The following CDH18 variants were observed in gnomAD, a reference collection of about 807,000 sequenced individuals.
CDH18 encodes the protein cadherin-18.
Under a neutral mutation model 67.9 loss-of-function variants are expected in CDH18, and 31 were observed. That is an observed-to-expected ratio of 0.46 (90% CI 0.34 to 0.62). The LOEUF (loss-of-function observed/expected upper bound fraction) is 0.62. Among genes scored for constraint, CDH18 ranks in the 20% least tolerant of loss-of-function variants. CDH18 has a pLI of 0.01. For missense variants in CDH18, 890 were observed against 975.5 expected, an observed-to-expected ratio of 0.91 and a Z score of 1.17; for synonymous variants, 362 against 347.2, an observed-to-expected ratio of 1.04 and a Z score of -0.48.
intron 1 of CDH18, among the ~76,000 whole-genome samples, chr5:20,471,442 C>T (rs947581345): frequency 5.3e-5 from 8 of 152,114 alleles, no homozygotes; most frequent in Non-Finnish European, 1.2e-4. Context: ...GATTAGGTTA[C>T]TTTTCTGCTC....
chr5:20,040,926 T>C (rs757725286), intron 2 of CDH18, among the ~76,000 whole-genome samples: 2 of 152,190 alleles, frequency 1.3e-5, no homozygotes, highest in Non-Finnish European at 2.9e-5. Flanking sequence ...ACACAGATTG[T>C]TTAAGTATTT....
At chr5:20,012,757 C>A (rs1737564644) in intron 2 of CDH18, among the ~76,000 whole-genome samples, 1 of 151,984 alleles carries the variant, frequency 6.6e-6, no homozygotes, top group Non-Finnish European at 1.5e-5. Flanking sequence ...TTTGTAGGGA[C>A]ATGCATGGAG....
At chr5:19,728,059 A>G (rs919654630) in intron 4 of CDH18, among the ~76,000 whole-genome samples, 3 of 152,172 alleles carry the variant, frequency 2.0e-5, no homozygotes, top group Non-Finnish European at 4.4e-5. Flanking sequence ...ATTACCCTCT[A>G]CGTGCTAGAC....
At chr5:19,485,686 A>G (rs1740283051) in intron 11 of CDH18, among the ~76,000 whole-genome samples, 1 of 152,222 alleles carries the variant, frequency 6.6e-6, no homozygotes. Context: ...CAGATCTATC[A>G]GCTGTAGGAT....
intron 1 of CDH18, among the ~76,000 whole-genome samples, chr5:20,337,923 G>C (rs1739923682): frequency 6.6e-6 from 1 of 152,210 alleles, no homozygotes. Flanking sequence ...TCACAATCAT[G>C]GTTGAAGGCA....
At chr5:20,152,664 T>C (rs966173780) in intron 2 of CDH18, among the ~76,000 whole-genome samples, 3 of 152,052 alleles carry the variant, frequency 2.0e-5, no homozygotes, top group Non-Finnish European at 4.4e-5. Context: ...TCTTATTAAA[T>C]TAAATTAAAT....
At chr5:20,139,708 C>T (rs191515918) in intron 2 of CDH18, among the ~76,000 whole-genome samples, 10 of 152,136 alleles carry the variant, frequency 6.6e-5, no homozygotes, top group Non-Finnish European at 1.2e-4. Context: ...CCCACAGACA[C>T]ATGAAAAAAT....
intron 1 of CDH18, among the ~76,000 whole-genome samples, chr5:20,318,423 C>T (rs970961282): frequency 1.6e-4 from 25 of 152,190 alleles, no homozygotes; most frequent in Non-Finnish European, 3.1e-4. Flanking sequence ...AACAAAATCT[C>T]ATGTAGAACT....
At chr5:19,690,751 G>C (rs899325511) in intron 5 of CDH18, among the ~76,000 whole-genome samples, 2 of 149,906 alleles carry the variant, frequency 1.3e-5, no homozygotes, top group Non-Finnish European at 3.0e-5. Flanking sequence ...AACCAGAACA[G>C]GCCAAGAACA....
chr5:19,938,998 A>AAGTT (rs1238633006), intron 2 of CDH18, among the ~76,000 whole-genome samples: 4 of 151,142 alleles, frequency 2.6e-5, no homozygotes, highest in Non-Finnish European at 5.9e-5. Context: ...TTAAACTTCT[A>AAGTT]AGAAGTTCAT....
chr5:19,853,665 A>G (rs966184494), intron 2 of CDH18, among the ~76,000 whole-genome samples: 4 of 152,146 alleles, frequency 2.6e-5, no homozygotes, highest in Non-Finnish European at 5.9e-5. Context: ...CTCAGGTCTG[A>G]AACCTGTGTG....
chr5:20,002,303 C>A (rs971451828), intron 2 of CDH18, among the ~76,000 whole-genome samples: 2 of 152,110 alleles, frequency 1.3e-5, no homozygotes, highest in African/African-American at 2.4e-5. Context: ...TTATGCCATT[C>A]GTTTATTTTT....
At chr5:20,222,108 A>C (rs1741274071) in intron 2 of CDH18, among the ~76,000 whole-genome samples, 1 of 152,172 alleles carries the variant, frequency 6.6e-6, no homozygotes, top group South Asian at 2.1e-4. Flanking sequence ...TGCACTCCTC[A>C]TGATAGCAGA....
At chr5:20,299,540 C>A (rs1390256709) in intron 1 of CDH18, among the ~76,000 whole-genome samples, 1 of 151,842 alleles carries the variant, frequency 6.6e-6, no homozygotes, top group Non-Finnish European at 1.5e-5. Context: ...GCAGGCAGAT[C>A]ACAAGGTCAG....
At chr5:19,994,732 TATATATAGAG>T (rs1422996680) in intron 2 of CDH18, among the ~76,000 whole-genome samples, 23 of 12,508 alleles carry the variant, frequency 1.8e-3, no homozygotes, top group East Asian at 6.5e-3. Context: ...TATATATATA[TATATATAGAG>T]AGAGAGAGAG....
chr5:20,141,710 G>A (rs1488335280), intron 2 of CDH18, among the ~76,000 whole-genome samples: 1 of 152,098 alleles, frequency 6.6e-6, no homozygotes, highest in Admixed American at 6.6e-5. Flanking sequence ...CAAATTACAT[G>A]GGGACATGAC....
At chr5:19,889,669 T>C (rs1051089877) in intron 2 of CDH18, among the ~76,000 whole-genome samples, 36 of 152,120 alleles carry the variant, frequency 2.4e-4, no homozygotes, top group African/African-American at 7.2e-4. Flanking sequence ...GGAAGGTTTT[T>C]ATAGTACTTG....
chr5:20,324,153 C>T (rs574857234), intron 1 of CDH18, among the ~76,000 whole-genome samples: 1 of 152,334 alleles, frequency 6.6e-6, no homozygotes, highest in South Asian at 2.1e-4. Flanking sequence ...ATGTGTAACA[C>T]ACTGGATCAG....
At chr5:20,148,867 T>C (rs892500353) in intron 2 of CDH18, among the ~76,000 whole-genome samples, 2 of 152,040 alleles carry the variant, frequency 1.3e-5, no homozygotes, top group African/African-American at 2.4e-5. Flanking sequence ...AGCAAGAAAG[T>C]GATAACATCA....
Sources: allele counts gnomAD v4.1 joint callset (sites outside exome capture counted in the v4.1 genomes callset), GRCh38; gene constraint gnomAD v4.1.1; transcripts MANE v1.5; gene names NCBI Gene and HGNC (gene_info 2026-07-23, HGNC 2026-07-21).